PHACTR1: variants seen among roughly 807,000 people sequenced by gnomAD.
The protein encoded by PHACTR1 is RPEL repeat containing 1.
In PHACTR1, 16 loss-of-function variants were observed where a neutral mutation model predicts 69.2. That is an observed-to-expected ratio of 0.23 (90% CI 0.16 to 0.35). PHACTR1 has a LOEUF of 0.35. Among genes scored for constraint, PHACTR1 ranks in the 10% least tolerant of loss-of-function variants. The pLI is 1.00. For synonymous variants in PHACTR1, 312 were observed against 284.5 expected (o/e 1.10, Z -0.97); for missense variants, 510 against 734.7 (o/e 0.69, Z 3.54).
chr6:13,025,804 A>C (rs1801623811), intron 4 of PHACTR1, among the ~76,000 whole-genome samples: 1 of 151,944 alleles, frequency 6.6e-6, no homozygotes, highest in South Asian at 2.1e-4. Flanking sequence ...ATCATATAGA[A>C]ATTGGTAGGA....
intron 4 of PHACTR1, among the ~76,000 whole-genome samples, chr6:12,909,048 G>A (rs1582424609): frequency 6.6e-6 from 1 of 152,182 alleles, no homozygotes; most frequent in East Asian, 1.9e-4. Context: ...CAATGGAGGT[G>A]GAGAGGCAAG....
chr6:12,773,782 A>G (rs1272868562), intron 4 of PHACTR1, among the ~76,000 whole-genome samples: 1 of 152,204 alleles, frequency 6.6e-6, no homozygotes, highest in Non-Finnish European at 1.5e-5. Context: ...AAACTTTGAC[A>G]AAAATACCTA....
At chr6:12,850,656 A>G (rs1779736919) in intron 4 of PHACTR1, among the ~76,000 whole-genome samples, 1 of 152,222 alleles carries the variant, frequency 6.6e-6, no homozygotes, top group Non-Finnish European at 1.5e-5. Context: ...AGGTGTCAGC[A>G]GGGCCATGCT....
At chr6:13,064,549 TA>T (rs1323464294) in intron 5 of PHACTR1, among the ~76,000 whole-genome samples, 2 of 1,274 alleles carry the variant, frequency 1.6e-3, no homozygotes, top group Non-Finnish European at 3.5e-3. Flanking sequence ...AGGGAAAAGA[TA>T]TATATATATA....
intron 4 of PHACTR1, among the ~76,000 whole-genome samples, chr6:12,997,080 G>A (rs1458298526): frequency 6.6e-6 from 1 of 151,766 alleles, no homozygotes; most frequent in Admixed American, 6.6e-5. Flanking sequence ...CAGGAGAATC[G>A]CTTGAACCTG....
intron 4 of PHACTR1, among the ~76,000 whole-genome samples, chr6:12,763,207 C>T (rs947717456): frequency 8.2e-4 from 114 of 139,562 alleles, no homozygotes; most frequent in Non-Finnish European, 1.5e-3. Flanking sequence ...GGTGAAACTC[C>T]GTCTCAAAAA....
chr6:12,801,550 C>T (rs62389219), intron 4 of PHACTR1, among the ~76,000 whole-genome samples: 10,123 of 151,956 alleles, frequency 0.067, 377 homozygotes, highest in Middle Eastern at 0.11. Context: ...TAGACTATGA[C>T]GGGGTATGGA....
At chr6:13,264,454 C>T (rs1025626625) in intron 10 of PHACTR1, among the ~76,000 whole-genome samples, 2 of 152,190 alleles carry the variant, frequency 1.3e-5, no homozygotes, top group African/African-American at 2.4e-5. Context: ...TGTGGTGGCT[C>T]ACACCTGTAA....
intron 4 of PHACTR1, among the ~76,000 whole-genome samples, chr6:12,772,108 G>A (rs1370348058): frequency 6.6e-6 from 1 of 152,202 alleles, no homozygotes; most frequent in East Asian, 1.9e-4. Context: ...AGTGAAAGGT[G>A]AGAACAAGTG....
chr6:12,945,129 C>G lies in PHACTR1; in HGVS notation c.251-108236C>G, dbSNP rs191471375. On this transcript the variant is annotated intron_variant, in intron 4 of 14. Coordinates refer to ENST00000332995, the MANE Select transcript of PHACTR1 (RefSeq NM_030948.6). ...TCTCTCTGGTTTTAGCAGCTTCATACGAGCAGTTGCCCCTGACTACATTCT... is the reference window on the plus strand; with the variant it reads ...TCTCTCTGGTTTTAGCAGCTTCATAGGAGCAGTTGCCCCTGACTACATTCT... Among the ~76,000 whole-genome samples, 6 of 152,254 alleles carry G rather than the reference C, an allele frequency of 3.9e-5. No homozygotes were observed. The East Asian group carries it at 9.6e-4, about 24-fold the overall frequency.
chr6:12,809,179 T>C (rs977147283), intron 4 of PHACTR1, among the ~76,000 whole-genome samples: 9 of 152,202 alleles, frequency 5.9e-5, no homozygotes, highest in Non-Finnish European at 1.2e-4. Context: ...TAAGCCACCA[T>C]GCCCAGCCAT....
chr6:12,911,567 T>C (rs542895844), intron 4 of PHACTR1, among the ~76,000 whole-genome samples: 2 of 152,226 alleles, frequency 1.3e-5, no homozygotes, highest in East Asian at 3.9e-4. Flanking sequence ...GGGCAACATA[T>C]GTTAAATAAT....
At chr6:13,281,132 C>T (rs1368275487) in intron 12 of PHACTR1, 1 of 1,288,174 alleles carries the variant, frequency 7.8e-7, no homozygotes, top group Non-Finnish European at 1.0e-6. Flanking sequence ...AGCATTTATG[C>T]TTAGTCTTCG....
intron 6 of PHACTR1, among the ~76,000 whole-genome samples, chr6:13,164,132 G>A (rs1323274432): frequency 1.3e-5 from 2 of 150,820 alleles, no homozygotes; most frequent in African/African-American, 2.4e-5. Flanking sequence ...TTCTGTATCC[G>A]AATTCGGTTC....
intron 5 of PHACTR1, among the ~76,000 whole-genome samples, chr6:13,148,180 GTTT>G (rs58832085): frequency 7.6e-6 from 1 of 132,198 alleles, no homozygotes; most frequent in Admixed American, 7.6e-5. Context: ...GTGTTTACTG[GTTT>G]TTTTTTTTTT....
chr6:13,276,869 A>C (rs1163352238), intron 11 of PHACTR1, among the ~76,000 whole-genome samples: 1 of 152,206 alleles, frequency 6.6e-6, no homozygotes, highest in Non-Finnish European at 1.5e-5. Context: ...GTGTGCACCA[A>C]TACAACAAAC....
intron 4 of PHACTR1, among the ~76,000 whole-genome samples, chr6:12,852,390 A>T (rs1286777990): frequency 1.3e-5 from 2 of 152,192 alleles, no homozygotes; most frequent in African/African-American, 4.8e-5. Context: ...AAGAAATAAT[A>T]GTACCAGACA....
intron 4 of PHACTR1, among the ~76,000 whole-genome samples, chr6:12,924,714 G>T (rs528837922): frequency 2.0e-5 from 3 of 150,998 alleles, no homozygotes; most frequent in East Asian, 3.9e-4. Context: ...GGCAGAGCTT[G>T]CAGTGAGCCG....
chr6:13,028,543 T>C (rs1220005266), intron 4 of PHACTR1, among the ~76,000 whole-genome samples: 1 of 152,188 alleles, frequency 6.6e-6, no homozygotes, highest in Non-Finnish European at 1.5e-5. Flanking sequence ...GGAGACCTTG[T>C]GATTGCAATG....
Sources: gnomAD v4.1 joint callset for allele counts (sites outside exome capture counted in the v4.1 genomes callset) on GRCh38, gnomAD v4.1.1 for gene constraint, MANE v1.5 for transcripts, NCBI Gene and HGNC (gene_info 2026-07-23, HGNC 2026-07-21) for gene names.